Variants in RASAL2 observed in about 807,000 individuals in gnomAD.
RASAL2 encodes RAS protein activator like 2.
RASAL2 carries 58 observed loss-of-function variants against 128.9 expected under a neutral mutation model. The observed-to-expected ratio is 0.45, with a 90% CI of 0.36 to 0.56. The LOEUF (loss-of-function observed/expected upper bound fraction) is 0.56. RASAL2 is among the 20% of genes least tolerant of loss of function. The probability of loss-of-function intolerance (pLI) is 0.00; values close to 1 mark genes in which losing one functional copy is unlikely to be tolerated. For missense variants in RASAL2, 1,360 were observed against 1,601.6 expected, an observed-to-expected ratio of 0.85 and a Z score of 2.57; for synonymous variants, 561 against 580.8, an observed-to-expected ratio of 0.97 and a Z score of 0.49.
intron 5 of RASAL2, among the ~76,000 whole-genome samples, chr1:178,423,291 G>C (rs1419898478): frequency 6.6e-6 from 1 of 152,042 alleles, no homozygotes; most frequent in Non-Finnish European, 1.5e-5. Context: ...TGTACTGGTG[G>C]CTGGGTTGGA....
intron 1 of RASAL2, among the ~76,000 whole-genome samples, chr1:178,256,001 T>A (rs915952991): frequency 2.0e-5 from 3 of 152,058 alleles, no homozygotes; most frequent in African/African-American, 7.2e-5. Context: ...ACATGTATCA[T>A]ACAAGGAGCA....
At chr1:178,104,278 T>G (rs1050834664) in intron 1 of RASAL2, among the ~76,000 whole-genome samples, 1 of 152,188 alleles carries the variant, frequency 6.6e-6, no homozygotes, top group Non-Finnish European at 1.5e-5. Context: ...CTATACAAGA[T>G]TGCCATTTAT....
At chr1:178,314,599 A>G (rs1668411879) in intron 3 of RASAL2, among the ~76,000 whole-genome samples, 1 of 151,714 alleles carries the variant, frequency 6.6e-6, no homozygotes, top group Non-Finnish European at 1.5e-5. Context: ...TTTTCCCCCA[A>G]AATATTGGGG....
intron 1 of RASAL2, among the ~76,000 whole-genome samples, chr1:178,182,542 G>A (rs947832442): frequency 6.6e-6 from 1 of 152,080 alleles, no homozygotes; most frequent in Admixed American, 6.6e-5. Context: ...TTCTGTATGT[G>A]ACCACCTGTA....
chr1:178,105,830 G>A (rs1192394165), intron 1 of RASAL2, among the ~76,000 whole-genome samples: 6 of 151,826 alleles, frequency 4.0e-5, no homozygotes, highest in Non-Finnish European at 7.4e-5. Flanking sequence ...GCACCACTGC[G>A]CCCAGCTAGT....
At chr1:178,153,486 T>C (rs170288) in intron 1 of RASAL2, among the ~76,000 whole-genome samples, 149,062 of 152,278 alleles carry the variant, frequency 0.98, 73,022 homozygotes, top group South Asian at 1. Flanking sequence ...CACCCCCAGA[T>C]GTAGACAACC....
At chr1:178,245,692 C>CGGTTTTA (rs1440090692) in intron 1 of RASAL2, among the ~76,000 whole-genome samples, 3 of 151,942 alleles carry the variant, frequency 2.0e-5, no homozygotes, top group African/African-American at 7.3e-5. Flanking sequence ...AGGGTTTTTA[C>CGGTTTTA]GGTTTTAGGT....
chr1:178,387,958 A>C (rs1344610768), intron 3 of RASAL2, among the ~76,000 whole-genome samples: 1 of 152,190 alleles, frequency 6.6e-6, no homozygotes, highest in Non-Finnish European at 1.5e-5. Flanking sequence ...GAGGAAATTA[A>C]TTTCAGTTTT....
At chr1:178,185,867 C>T (rs1428197447) in intron 1 of RASAL2, among the ~76,000 whole-genome samples, 3 of 151,988 alleles carry the variant, frequency 2.0e-5, no homozygotes, top group African/African-American at 7.2e-5. Flanking sequence ...ATGTCTCTCT[C>T]TGGTTTTGGT....
At chr1:178,253,635 A>G (rs1665163895) in intron 1 of RASAL2, among the ~76,000 whole-genome samples, 1 of 152,114 alleles carries the variant, frequency 6.6e-6, no homozygotes, top group African/African-American at 2.4e-5. Context: ...TTGGGTAGGT[A>G]AAGGAAAATT....
At chr1:178,113,675 A>G (rs1027591365) in intron 1 of RASAL2, among the ~76,000 whole-genome samples, 1 of 151,928 alleles carries the variant, frequency 6.6e-6, no homozygotes, top group African/African-American at 2.4e-5. Flanking sequence ...GAGCCACCAC[A>G]CCTGGGCGGA....
chr1:178,229,031 C>G (rs1663894692), intron 1 of RASAL2, among the ~76,000 whole-genome samples: 2 of 152,146 alleles, frequency 1.3e-5, no homozygotes, highest in South Asian at 4.1e-4. Context: ...ACAATAAACT[C>G]CCATAAATCC....
chr1:178,137,960 T>C (rs1660387564), intron 1 of RASAL2, among the ~76,000 whole-genome samples: 1 of 152,196 alleles, frequency 6.6e-6, no homozygotes, highest in Non-Finnish European at 1.5e-5. Flanking sequence ...TGAGGGTGAT[T>C]TAAAGGGCAG....
At chr1:178,182,063 A>G (rs1413970163) in intron 1 of RASAL2, among the ~76,000 whole-genome samples, 1 of 152,198 alleles carries the variant, frequency 6.6e-6, no homozygotes, top group Non-Finnish European at 1.5e-5. Flanking sequence ...TAGAGTGTCT[A>G]CACAGATTAC....
At chr1:178,117,418 GATTT>G (rs1250512059) in intron 1 of RASAL2, among the ~76,000 whole-genome samples, 6 of 152,140 alleles carry the variant, frequency 3.9e-5, no homozygotes, top group Middle Eastern at 3.2e-3. Flanking sequence ...TTTTGAAATA[GATTT>G]ATTTATGTTT....
intron 1 of RASAL2, among the ~76,000 whole-genome samples, chr1:178,276,758 T>C (rs1666535165): frequency 1.3e-5 from 2 of 152,138 alleles, no homozygotes; most frequent in African/African-American, 4.8e-5. Context: ...AGAAATTGTC[T>C]ATAGAAGATA....
At chr1:178,439,390 A>T (rs1186540918) in intron 5 of RASAL2, 32 bp from the exon 6 acceptor site, 1 of 1,564,420 alleles carries the variant, frequency 6.4e-7, no homozygotes, top group Non-Finnish European at 8.7e-7. Flanking sequence ...TGGCCAAGTT[A>T]CACTACCTTA....
At chr1:178,122,438 A>C (rs113503495) in intron 1 of RASAL2, among the ~76,000 whole-genome samples, 3,176 of 152,312 alleles carry the variant, frequency 0.021, 97 homozygotes, top group African/African-American at 0.069. Context: ...TGAAATTGAC[A>C]TGGCCATTTG....
At chr1:178,207,122 C>T (rs1056852559) in intron 1 of RASAL2, among the ~76,000 whole-genome samples, 13 of 143,184 alleles carry the variant, frequency 9.1e-5, no homozygotes, top group African/African-American at 3.4e-4. Flanking sequence ...TTTGAGGCTG[C>T]AGTGGGTGAC....
Sources: gnomAD v4.1 joint callset for allele counts (sites outside exome capture counted in the v4.1 genomes callset) on GRCh38, gnomAD v4.1.1 for gene constraint, MANE v1.5 for transcripts, NCBI Gene and HGNC (gene_info 2026-07-23, HGNC 2026-07-21) for gene names.